Variants in XKR4 observed in about 807,000 individuals in gnomAD.
The protein encoded by XKR4 is XK-related protein 4.
Under a neutral mutation model 53.9 loss-of-function variants are expected in XKR4, and 12 were observed. That is an observed-to-expected ratio of 0.22 (90% CI 0.14 to 0.36). XKR4 has a LOEUF of 0.36. XKR4 is among the 10% of genes least tolerant of loss of function. The probability of loss-of-function intolerance (pLI) is 1.00; values close to 1 mark genes in which losing one functional copy is unlikely to be tolerated. For synonymous variants in XKR4, 354 were observed against 362.4 expected, an observed-to-expected ratio of 0.98 and a Z score of 0.26; for missense variants, 799 against 859.5, an observed-to-expected ratio of 0.93 and a Z score of 0.88.
At position 55,428,264 on chromosome 8, in the gene XKR4, T is replaced by C. The variant is rs867510399; in HGVS notation, c.1006+70387T>C. Among the ~76,000 whole-genome samples, 5 of 152,274 alleles carry C rather than the reference T, an allele frequency of 3.3e-5. No individual in the cohort carries two copies. In the Middle Eastern group the frequency reaches 0.01, roughly 311 times the overall value. On this transcript the variant is annotated intron_variant, in intron 2 of 2. Transcript: ENST00000327381. The stretch of plus-strand genomic sequence containing the variant: ...GACTTTTGGCGCCCAATGATCAACA[T>C]AGCAAAGAGTTCCCTGAGTTTTCTT...
At chr8:55,449,456 C>A (rs556631116) in intron 2 of XKR4, 39 of 865,176 alleles carry the variant, frequency 4.5e-5, no homozygotes, top group Non-Finnish European at 5.0e-5. Context: ...CCCTGCCCAC[C>A]CCTAGTGGTC....
intron 2 of XKR4, among the ~76,000 whole-genome samples, chr8:55,428,604 C>T (rs145313958): frequency 1.7e-3 from 263 of 152,304 alleles, no homozygotes; most frequent in African/African-American, 5.8e-3. Context: ...TGCTAGGCAG[C>T]GAGTCTGCTT....
At chr8:55,514,479 A>G (rs1806683530) in intron 2 of XKR4, among the ~76,000 whole-genome samples, 1 of 151,758 alleles carries the variant, frequency 6.6e-6, no homozygotes, top group Admixed American at 6.6e-5. Context: ...CTGGTCTCGA[A>G]CTCCTGACCT....
intron 1 of XKR4, among the ~76,000 whole-genome samples, chr8:55,127,534 T>C (rs1296559729): frequency 6.6e-6 from 1 of 151,690 alleles, no homozygotes; most frequent in African/African-American, 2.4e-5. Context: ...ATTACAGGCG[T>C]GAGCCACCAT....
At chr8:55,280,713 A>T (rs1283731167) in intron 1 of XKR4, among the ~76,000 whole-genome samples, 2 of 152,180 alleles carry the variant, frequency 1.3e-5, no homozygotes, top group Non-Finnish European at 2.9e-5. Flanking sequence ...AAAATACTTG[A>T]TTTTAGATGT....
At chr8:55,455,412 C>G (rs1009193438) in intron 2 of XKR4, among the ~76,000 whole-genome samples, 2 of 152,164 alleles carry the variant, frequency 1.3e-5, no homozygotes, top group African/African-American at 2.4e-5. Flanking sequence ...CCTTCCTCCC[C>G]CTCAGTCAGT....
intron 1 of XKR4, 37 bp from the exon 2 acceptor site, chr8:55,357,641 A>C: frequency 6.2e-7 from 1 of 1,605,116 alleles, no homozygotes; most frequent in Non-Finnish European, 8.5e-7. Flanking sequence ...AACTATCATC[A>C]CTCATCTCTT....
chr8:55,488,223 A>G (rs1806223034), intron 2 of XKR4, among the ~76,000 whole-genome samples: 1 of 152,348 alleles, frequency 6.6e-6, no homozygotes, highest in South Asian at 2.1e-4. Context: ...AATACTGATG[A>G]GGATGCGGGG....
At chr8:55,450,260 AG>A in intron 2 of XKR4, 3 of 670,300 alleles carry the variant, frequency 4.5e-6, no homozygotes, top group Non-Finnish European at 2.6e-6. Context: ...TCAGGGGCTC[AG>A]GGGGTTCCCC....
chr8:55,403,017 G>T (rs1468249293), intron 2 of XKR4, among the ~76,000 whole-genome samples: 1 of 152,138 alleles, frequency 6.6e-6, no homozygotes, highest in Non-Finnish European at 1.5e-5. Context: ...CCCATCCTAC[G>T]ACACTCTTCA....
chr8:55,379,607 G>A (rs1280082155), intron 2 of XKR4, among the ~76,000 whole-genome samples: 1 of 152,240 alleles, frequency 6.6e-6, no homozygotes, highest in Non-Finnish European at 1.5e-5. Context: ...CATTTCCCGG[G>A]TGCTGGTGTT....
At chr8:55,367,608 G>C (rs1804010622) in intron 2 of XKR4, among the ~76,000 whole-genome samples, 1 of 152,162 alleles carries the variant, frequency 6.6e-6, no homozygotes. Flanking sequence ...TGTGTGTCTT[G>C]AGATTGCTCC....
chr8:55,289,670 AAAGAAAG>A (rs1344020386), intron 1 of XKR4, among the ~76,000 whole-genome samples: 1 of 53,804 alleles, frequency 1.9e-5, no homozygotes, highest in Non-Finnish European at 7.7e-5. Context: ...AAAGAAAAGA[AAAGAAAG>A]AGAAAGAAAG....
chr8:55,389,086 G>C (rs1278735875), intron 2 of XKR4, among the ~76,000 whole-genome samples: 2 of 152,168 alleles, frequency 1.3e-5, no homozygotes, highest in African/African-American at 4.8e-5. Flanking sequence ...TGCACACACA[G>C]GGAGAGAGAC....
intron 2 of XKR4, among the ~76,000 whole-genome samples, chr8:55,386,774 C>T (rs1267937981): frequency 6.6e-6 from 1 of 152,200 alleles, no homozygotes; most frequent in African/African-American, 2.4e-5. Context: ...TTTAAATTGA[C>T]AGGACTAGCT....
At chr8:55,157,281 G>A (rs1816920518) in intron 1 of XKR4, among the ~76,000 whole-genome samples, 1 of 152,152 alleles carries the variant, frequency 6.6e-6, no homozygotes, top group Admixed American at 6.5e-5. Context: ...TTCAGTTATT[G>A]TAAAATTGGA....
In XKR4 at chr8:55,425,716, C is replaced by G. The variant is rs75983860; in HGVS notation, c.1006+67839C>G. Among the ~76,000 whole-genome samples, 970 of 152,240 alleles carry G rather than the reference C, an allele frequency of 6.4e-3. 9 individuals are homozygous for G. Among genetic ancestry groups the G allele is most frequent in the African/African-American group, 0.022 (922 of 41,518 alleles). ...AGCTCACTGCATTCAAACCCTGATC[C>G]CTGATGACTGTGTCAAGCTCATTAT... On this transcript the variant is annotated intron_variant, in intron 2 of 2. Transcript: ENST00000327381.
intron 2 of XKR4, among the ~76,000 whole-genome samples, chr8:55,444,974 A>G (rs79878739): frequency 0.016 from 2,456 of 152,336 alleles, 64 homozygotes; most frequent in African/African-American, 0.057. Flanking sequence ...ATTGTGATAT[A>G]GTCATATCAT....
At chr8:55,504,167 C>G (rs887298661) in intron 2 of XKR4, among the ~76,000 whole-genome samples, 4 of 149,446 alleles carry the variant, frequency 2.7e-5, no homozygotes, top group Non-Finnish European at 6.0e-5. Context: ...TTGTAGTTTT[C>G]TTTTTTGTTG....
Sources: allele counts gnomAD v4.1 joint callset (sites outside exome capture counted in the v4.1 genomes callset), GRCh38; gene constraint gnomAD v4.1.1; transcripts MANE v1.5; gene names NCBI Gene and HGNC (gene_info 2026-07-23, HGNC 2026-07-21).